TTC39B: variants seen among roughly 807,000 people sequenced by gnomAD.
TTC39B encodes the protein tetratricopeptide repeat protein 39B.
Under a neutral mutation model 96.6 loss-of-function variants are expected in TTC39B, and 92 were observed. That is an observed-to-expected ratio of 0.95 (90% CI 0.80 to 1.13). The LOEUF is 1.13. Among genes scored for constraint, TTC39B ranks in the 50% most tolerant of loss-of-function variants. TTC39B has a pLI of 0.00. For synonymous variants in TTC39B, 367 were observed against 299.4 expected (o/e 1.23, Z -2.33); for missense variants, 955 against 809.3 (o/e 1.18, Z -2.18).
intron 2 of TTC39B, among the ~76,000 whole-genome samples, chr9:15,227,691 G>T (rs1303234392): frequency 6.6e-6 from 1 of 152,086 alleles, no homozygotes; most frequent in African/African-American, 2.4e-5. Flanking sequence ...CGACTGAAAA[G>T]GCTATCTACC....
chr9:15,192,886 T>C (rs1818939755), intron 8 of TTC39B, among the ~76,000 whole-genome samples, 191 bp from the exon 9 acceptor site: 1 of 152,186 alleles, frequency 6.6e-6, no homozygotes, highest in African/African-American at 2.4e-5. Flanking sequence ...AAAAAGGAGA[T>C]GCTCATTTTT....
At chr9:15,177,489 C>A (rs1380880152) in intron 18 of TTC39B, among the ~76,000 whole-genome samples, 1 of 152,182 alleles carries the variant, frequency 6.6e-6, no homozygotes, top group Non-Finnish European at 1.5e-5. Flanking sequence ...CTTTAAACAT[C>A]AAGTAGAAAT....
At chr9:15,189,236 G>A (rs182844363) in intron 13 of TTC39B, among the ~76,000 whole-genome samples, 2 of 152,234 alleles carry the variant, frequency 1.3e-5, no homozygotes, top group East Asian at 3.9e-4. Flanking sequence ...TGTCACACAG[G>A]GGCTAGATTC....
chr9:15,191,430 A>T (rs1818850687), intron 9 of TTC39B, among the ~76,000 whole-genome samples, 175 bp from the exon 10 acceptor site: 1 of 152,216 alleles, frequency 6.6e-6, no homozygotes, highest in Admixed American at 6.5e-5. Flanking sequence ...AATTAATTTC[A>T]TTTAGCTAAG....
intron 2 of TTC39B, chr9:15,232,412 C>T (rs1274218116): frequency 6.6e-6 from 1 of 152,294 alleles, no homozygotes; most frequent in Non-Finnish European, 1.5e-5. Flanking sequence ...AAAGAAAAAG[C>T]AGTAGCCTCT....
intron 1 of TTC39B, among the ~76,000 whole-genome samples, chr9:15,297,819 T>C (rs909838036): frequency 2.0e-5 from 3 of 151,264 alleles, no homozygotes; most frequent in Non-Finnish European, 4.4e-5. Context: ...ATGCACACCA[T>C]GATCTCCACA....
chr9:15,190,529 T>C, intron 11 of TTC39B, 25 bp downstream of exon 11: 1 of 1,594,500 alleles, frequency 6.3e-7, no homozygotes, highest in Admixed American at 1.7e-5. Flanking sequence ...CAATGTTCAA[T>C]GAAACAATCT....
chr9:15,218,949 C>A (rs7870690), intron 3 of TTC39B, among the ~76,000 whole-genome samples: 26,325 of 152,032 alleles, frequency 0.17, 3,804 homozygotes, highest in African/African-American at 0.4. Flanking sequence ...TTTCCTCTAG[C>A]AATCATAATT....
chr9:15,244,519 A>G (rs561125968), intron 2 of TTC39B, among the ~76,000 whole-genome samples: 8 of 152,266 alleles, frequency 5.3e-5, no homozygotes, highest in Non-Finnish European at 1.2e-4. Flanking sequence ...CATTTTGTAA[A>G]ATCGCTTTTT....
intron 1 of TTC39B, among the ~76,000 whole-genome samples, chr9:15,296,147 G>C (rs1156924755): frequency 6.6e-6 from 1 of 152,206 alleles, no homozygotes; most frequent in Non-Finnish European, 1.5e-5. Flanking sequence ...GGAGGACCAA[G>C]CATTTCCTCA....
rs112280809 is a variant in TTC39B at position 15,196,684 on chromosome 9, C to T, written c.824+3177G>A. On this transcript the variant is annotated intron_variant, in intron 8 of 19. Coordinates refer to ENST00000512701, the Ensembl canonical transcript of TTC39B. Reference sequence around the variant, plus strand: ...AAATCTATTCCCGGTAAAGATGCCACAAACATTGTTGAAATGACAACAAAG... The same window carrying T: ...AAATCTATTCCCGGTAAAGATGCCATAAACATTGTTGAAATGACAACAAAG... Among the ~76,000 whole-genome samples, 822 of 152,240 alleles carry T rather than the reference C, an allele frequency of 5.4e-3. 5 individuals carry two copies. Among genetic ancestry groups the T allele is most frequent in the African/African-American group, 0.019 (773 of 41,524 alleles).
intron 8 of TTC39B, 144 bp downstream of exon 8, chr9:15,199,717 A>T (rs1482764619): frequency 5.1e-5 from 19 of 374,922 alleles, no homozygotes; most frequent in Non-Finnish European, 9.2e-6. Flanking sequence ...CCTGGGTGAC[A>T]GAGTGAGACT....
At chr9:15,266,195 G>A (rs775483715) in intron 2 of TTC39B, among the ~76,000 whole-genome samples, 2 of 151,772 alleles carry the variant, frequency 1.3e-5, no homozygotes, top group Non-Finnish European at 2.9e-5. Context: ...CAATAATTCT[G>A]TAAGTCTGAA....
rs35980691 is a variant in TTC39B, at chr9:15,254,828, TAC to T, written c.275+13084_275+13085del. On this transcript the variant is annotated intron_variant, in intron 2 of 19. Coordinates refer to ENST00000512701, the Ensembl canonical transcript of TTC39B. ...GGGAGATCTGACACACATAACTTTA[TAC>T]ACACACACACACACACACACACACA... Among the ~76,000 whole-genome samples the T allele has an allele frequency of 6.2e-3, 886 of 143,616 alleles. 4 individuals carry two copies. The highest frequency in any genetic ancestry group is 0.035 in the East Asian group (175 of 4,942). 94.2% of individuals were successfully genotyped at this position (143,616 alleles called of 152,430 possible).
exon 20 of TTC39B, chr9:15,170,710 A>C (rs1036663076): frequency 6.6e-6 from 1 of 152,186 alleles, no homozygotes; most frequent in African/African-American, 2.4e-5. Flanking sequence ...TTATTCTTCA[A>C]AATGGAAATA....
chr9:15,242,548 A>C (rs145295998), intron 2 of TTC39B, among the ~76,000 whole-genome samples: 78 of 152,184 alleles, frequency 5.1e-4, no homozygotes, highest in African/African-American at 1.6e-3. Flanking sequence ...ATGTCACTAC[A>C]CTCCAACCTG....
At chr9:15,266,208 T>C (rs922852947) in intron 2 of TTC39B, among the ~76,000 whole-genome samples, 1 of 151,736 alleles carries the variant, frequency 6.6e-6, no homozygotes, top group African/African-American at 2.4e-5. Flanking sequence ...AGTCTGAAAC[T>C]GCTCCTAATT....
intron 2 of TTC39B, among the ~76,000 whole-genome samples, chr9:15,229,856 T>A (rs941671313): frequency 7.9e-5 from 12 of 152,214 alleles, no homozygotes; most frequent in African/African-American, 2.2e-4. Flanking sequence ...GGGGTTGTTA[T>A]TATTACACCT....
chr9:15,258,066 A>T (rs1018217187), intron 2 of TTC39B, among the ~76,000 whole-genome samples: 1 of 152,038 alleles, frequency 6.6e-6, no homozygotes, highest in Non-Finnish European at 1.5e-5. Flanking sequence ...ATCTCAAAAA[A>T]AATAAAATAA....
Sources: allele counts gnomAD v4.1 joint callset (sites outside exome capture counted in the v4.1 genomes callset), GRCh38; gene constraint gnomAD v4.1.1; transcripts MANE v1.5; gene names NCBI Gene and HGNC (gene_info 2026-07-23, HGNC 2026-07-21).